PTPRD: variants seen among roughly 807,000 people sequenced by gnomAD.
PTPRD encodes the protein receptor-type tyrosine-protein phosphatase delta.
Under a neutral mutation model 214.5 loss-of-function variants are expected in PTPRD, and 34 were observed. That is an observed-to-expected ratio of 0.16 (90% CI 0.12 to 0.21). The LOEUF is 0.21. Among genes scored for constraint, PTPRD ranks in the 10% least tolerant of loss-of-function variants. The pLI is 1.00. For synonymous variants in PTPRD, 1,128 were observed against 845.7 expected (o/e 1.33, Z -5.79); for missense variants, 2,545 against 2,398.7 (o/e 1.06, Z -1.27).
At chr9:9,036,743 C>A (rs1479616290) in intron 10 of PTPRD, among the ~76,000 whole-genome samples, 1 of 152,050 alleles carries the variant, frequency 6.6e-6, no homozygotes, top group Non-Finnish European at 1.5e-5. Flanking sequence ...TTAATAGTTT[C>A]CTTCCTCCTC....
intron 11 of PTPRD, among the ~76,000 whole-genome samples, chr9:8,809,130 T>G (rs1005257255): frequency 3.0e-4 from 46 of 152,154 alleles, no homozygotes; most frequent in African/African-American, 1.0e-3. Context: ...TCATTCTGCT[T>G]GGTGCCCATT....
chr9:8,849,848 G>C lies in PTPRD; in HGVS notation c.-103-115902C>G, dbSNP rs2097778398. Among the ~76,000 whole-genome samples the C allele has an allele frequency of 2.6e-5, 4 of 152,132 alleles. No homozygotes were observed. The South Asian group carries it at 6.2e-4, about 24-fold the overall frequency. On this transcript the variant is annotated intron_variant, in intron 11 of 45. Transcript: ENST00000381196. ...ATTGAGCACTTGATCAAGTAGACTT[G>C]AGCAAGTTTGCCTTTCATAAAGCAA... is the stretch of plus-strand genomic sequence containing the variant.
intron 8 of PTPRD, among the ~76,000 whole-genome samples, chr9:9,411,276 A>G (rs867061890): frequency 5.4e-5 from 1 of 18,482 alleles, no homozygotes; most frequent in Non-Finnish European, 1.2e-4. Flanking sequence ...TTTTTTTTTT[A>G]CGATAATTAA....
chr9:9,583,987 G>C (rs2091405011), intron 7 of PTPRD, among the ~76,000 whole-genome samples: 1 of 151,960 alleles, frequency 6.6e-6, no homozygotes, highest in African/African-American at 2.4e-5. Flanking sequence ...TGGCAATTCA[G>C]AGGCAGAAGC....
chr9:8,837,496 TTTTTG>T (rs71317377), intron 11 of PTPRD, among the ~76,000 whole-genome samples: 5 of 151,044 alleles, frequency 3.3e-5, no homozygotes, highest in East Asian at 3.9e-4. Context: ...TCTCTTCCTT[TTTTTG>T]TTTTGTTTTG....
chr9:10,186,634 A>T (rs1278929754), intron 3 of PTPRD, among the ~76,000 whole-genome samples: 2 of 152,150 alleles, frequency 1.3e-5, no homozygotes, highest in African/African-American at 2.4e-5. Context: ...GTAGAAAAAA[A>T]TAAAATCACT....
chr9:10,582,160 G>C (rs1339046761), intron 2 of PTPRD, among the ~76,000 whole-genome samples: 1 of 152,102 alleles, frequency 6.6e-6, no homozygotes, highest in Non-Finnish European at 1.5e-5. Context: ...ATTAGAGTTA[G>C]AATATAGCTC....
At chr9:8,695,710 C>T (rs1250337021) in intron 12 of PTPRD, among the ~76,000 whole-genome samples, 1 of 152,170 alleles carries the variant, frequency 6.6e-6, no homozygotes, top group African/African-American at 2.4e-5. Context: ...AAGGCAGAAG[C>T]TCCTAGAAAA....
intron 14 of PTPRD, among the ~76,000 whole-genome samples, chr9:8,612,154 G>A (rs1293615141): frequency 1.3e-5 from 2 of 152,044 alleles, no homozygotes; most frequent in African/African-American, 2.4e-5. Context: ...AAAGGAAGCA[G>A]GAATAGCATT....
At chr9:10,169,507 C>A (rs977904048) in intron 3 of PTPRD, among the ~76,000 whole-genome samples, 2 of 146,134 alleles carry the variant, frequency 1.4e-5, no homozygotes, top group African/African-American at 2.6e-5. Flanking sequence ...ATGAGTAGGA[C>A]CACATTTCTT....
At chr9:9,970,607 A>G (rs2095042363) in intron 4 of PTPRD, among the ~76,000 whole-genome samples, 1 of 152,262 alleles carries the variant, frequency 6.6e-6, no homozygotes, top group East Asian at 1.9e-4. Context: ...TAAAAATCTT[A>G]GCAAAAGATT....
At chr9:8,976,062 A>G (rs920886940) in intron 11 of PTPRD, among the ~76,000 whole-genome samples, 23 of 152,130 alleles carry the variant, frequency 1.5e-4, no homozygotes, top group Admixed American at 3.3e-4. Context: ...ATATTTCCTC[A>G]GGATACAACT....
At chr9:9,245,062 A>G (rs1042012034) in intron 9 of PTPRD, among the ~76,000 whole-genome samples, 1 of 152,220 alleles carries the variant, frequency 6.6e-6, no homozygotes, top group Non-Finnish European at 1.5e-5. Flanking sequence ...GCCATCAGAG[A>G]AATGCAAATC....
chr9:9,128,854 T>C (rs2099838198), intron 10 of PTPRD, among the ~76,000 whole-genome samples: 1 of 152,236 alleles, frequency 6.6e-6, no homozygotes. Context: ...TTTTTCACTG[T>C]GGTCTGAGCA....
At position 10,479,940 on chromosome 9, in the gene PTPRD, T is replaced by A. The variant is rs374284491; in HGVS notation, c.-600+132458A>T. Among the ~76,000 whole-genome samples, 24 of 152,238 alleles carry A rather than the reference T, an allele frequency of 1.6e-4. No homozygotes were observed. The East Asian group carries it at 3.3e-3, about 21-fold the overall frequency. On this transcript the variant is annotated intron_variant, in intron 2 of 45. Transcript: ENST00000381196. ...GGATGTTAAAGAAAATCCGGGGTCT[T>A]AAAATTTTTCGTTTTTAAGAATCAA...
chr9:8,816,954 G>A (rs576104354), intron 11 of PTPRD, among the ~76,000 whole-genome samples: 4 of 152,174 alleles, frequency 2.6e-5, no homozygotes, highest in Non-Finnish European at 5.9e-5. Context: ...ATACATCTGT[G>A]TTATAAGTGT....
intron 9 of PTPRD, among the ~76,000 whole-genome samples, chr9:9,214,648 T>G (rs2099950964): frequency 6.6e-6 from 1 of 152,206 alleles, no homozygotes; most frequent in Non-Finnish European, 1.5e-5. Context: ...TTGTACACAT[T>G]TGTTTTTTAA....
chr9:10,548,161 A>G (rs1024568654), intron 2 of PTPRD, among the ~76,000 whole-genome samples: 1 of 152,158 alleles, frequency 6.6e-6, no homozygotes, highest in Non-Finnish European at 1.5e-5. Flanking sequence ...AACCATATTT[A>G]AAGTTGGGCA....
intron 27 of PTPRD, among the ~76,000 whole-genome samples, chr9:8,491,552 C>T (rs892577740): frequency 6.6e-6 from 1 of 151,356 alleles, no homozygotes; most frequent in African/African-American, 2.4e-5. Flanking sequence ...TGTTGACGTT[C>T]TAACAGAGAC....
Sources: gnomAD v4.1 joint callset for allele counts (sites outside exome capture counted in the v4.1 genomes callset) on GRCh38, gnomAD v4.1.1 for gene constraint, MANE v1.5 for transcripts, NCBI Gene and HGNC (gene_info 2026-07-23, HGNC 2026-07-21) for gene names.